AK9: variants seen among roughly 807,000 people sequenced by gnomAD.
AK9 encodes the protein adenylate kinase domain containing 1.
Under a neutral mutation model 239.6 loss-of-function variants are expected in AK9, and 191 were observed. The observed-to-expected ratio is 0.80, with a 90% CI of 0.71 to 0.90. AK9 has a LOEUF of 0.90. AK9 is among the 40% of genes least tolerant of loss of function. The probability of loss-of-function intolerance (pLI) is 0.00; values close to 1 mark genes in which losing one functional copy is unlikely to be tolerated. For missense variants in AK9, 1,995 were observed against 2,214.7 expected (o/e 0.90, Z 1.99); for synonymous variants, 689 against 721.0 (o/e 0.96, Z 0.71).
chr6:109,518,535 T>C (rs993493333), intron 29 of AK9, among the ~76,000 whole-genome samples: 16 of 151,896 alleles, frequency 1.1e-4, no homozygotes, highest in Admixed American at 2.0e-4. Flanking sequence ...ATTTTTATTA[T>C]AAAGAAATTA....
At chr6:109,541,973 A>G (rs1782955043) in intron 27 of AK9, 74 bp downstream of exon 27, 2 of 1,290,762 alleles carry the variant, frequency 1.5e-6, no homozygotes, top group African/African-American at 3.0e-5. Flanking sequence ...ATGTATGTTA[A>G]ACTACATTTT....
intron 5 of AK9, among the ~76,000 whole-genome samples, chr6:109,663,365 T>C (rs1800703353): frequency 6.6e-6 from 1 of 152,214 alleles, no homozygotes; most frequent in South Asian, 2.1e-4. Context: ...CTTACTTCTG[T>C]ACATCTTTTC....
intron 12 of AK9, among the ~76,000 whole-genome samples, chr6:109,626,795 C>A (rs1795573060): frequency 6.6e-6 from 1 of 152,160 alleles, no homozygotes; most frequent in South Asian, 2.1e-4. Flanking sequence ...GTATAGGGAA[C>A]TTACCATGAA....
At chr6:109,579,461 T>C in intron 20 of AK9, 89 bp downstream of exon 20, 1 of 1,269,818 alleles carries the variant, frequency 7.9e-7, no homozygotes, top group Non-Finnish European at 1.1e-6. Context: ...GGAAATGTGA[T>C]CACCCAGTCT....
intron 28 of AK9, among the ~76,000 whole-genome samples, chr6:109,532,689 T>C (rs1416868365): frequency 1.3e-5 from 2 of 152,226 alleles, no homozygotes; most frequent in Non-Finnish European, 2.9e-5. Context: ...TTCTGGTTAT[T>C]ATGAATAATG....
At position 109,514,269 on chromosome 6, in the gene AK9, T is replaced by A; in HGVS notation, c.4234A>T (p.Ile1412Phe). The change falls in exon 32 of 41, where the codon ATT becomes TTT. Residue 1412 changes from isoleucine to phenylalanine, a missense_variant. Physicochemically the swap from Ile to Phe is conservative, Grantham distance 21. This residue lies in a region of AK9 where 1,290 missense variants were observed against 1,392.7 expected (regional missense o/e 0.93). Transcript: ENST00000424296. ...GGAGGCCCCACAATTATAATCCTAA[T>A]GGGCACAGTAGGCTTAGGTTTGGGT... is the stretch of plus-strand genomic sequence containing the variant. ...RQPKPKPTVP[I>F]RIIIVGPPKS... is the part of the protein sequence containing the mutation. 1.3e-6 allele frequency: 2 copies of A among 1,551,852 alleles called. No individual in the cohort carries two copies. Among genetic ancestry groups the A allele is most frequent in the East Asian group, 4.9e-5 (2 of 40,928 alleles).
At chr6:109,629,206 A>T (rs569405578) in intron 12 of AK9, among the ~76,000 whole-genome samples, 2 of 152,108 alleles carry the variant, frequency 1.3e-5, no homozygotes, top group African/African-American at 4.8e-5. Flanking sequence ...AGTCTCCCAA[A>T]GTGCTGGGGT....
chr6:109,620,533 A>G (rs1038371232), intron 12 of AK9, among the ~76,000 whole-genome samples: 2 of 152,096 alleles, frequency 1.3e-5, no homozygotes, highest in African/African-American at 4.8e-5. Flanking sequence ...TAATAGATTT[A>G]ATACAGAATA....
Position 109,688,323 on chromosome 6 carries a change from G to C in AK9, c.-12+2824C>G, listed in dbSNP as rs73531417. Among the ~76,000 whole-genome samples, 927 of 152,170 alleles carry C rather than the reference G, an allele frequency of 6.1e-3. 13 individuals are homozygous for C. Among genetic ancestry groups the C allele is most frequent in the African/African-American group, 0.021 (881 of 41,508 alleles). On this transcript the variant is annotated intron_variant, in intron 1 of 40. Transcript: ENST00000424296. ...CACAGGACCCCTTCACCTTTAAAGG[G>C]GCAAGTGACAAATGCTCCTAATATG...
intron 12 of AK9, among the ~76,000 whole-genome samples, chr6:109,625,031 T>C (rs1795349352): frequency 1.3e-5 from 2 of 152,186 alleles, no homozygotes; most frequent in African/African-American, 4.8e-5. Context: ...CTCTTTTTGT[T>C]TTCCAAATGT....
At chr6:109,521,133 A>C (rs1031188414) in intron 29 of AK9, among the ~76,000 whole-genome samples, 1 of 152,100 alleles carries the variant, frequency 6.6e-6, no homozygotes, top group Non-Finnish European at 1.5e-5. Context: ...TTTAACAGCC[A>C]CATAGTATTT....
intron 8 of AK9, among the ~76,000 whole-genome samples, chr6:109,645,234 C>T (rs776337391): frequency 1.2e-4 from 18 of 151,982 alleles, no homozygotes; most frequent in South Asian, 4.2e-4. Flanking sequence ...CCATGGAGGG[C>T]GAGCCGAAGC....
At chr6:109,523,031 G>A (rs948739768) in intron 29 of AK9, among the ~76,000 whole-genome samples, 1 of 151,974 alleles carries the variant, frequency 6.6e-6, no homozygotes, top group African/African-American at 2.4e-5. Flanking sequence ...TAAGTGAAGG[G>A]CTGGTAGAGG....
intron 21 of AK9, among the ~76,000 whole-genome samples, chr6:109,567,700 A>G (rs1042835704): frequency 3.1e-5 from 4 of 127,456 alleles, no homozygotes; most frequent in Non-Finnish European, 6.3e-5. Flanking sequence ...ACTTGGACAC[A>G]GGAAGGGGAA....
chr6:109,620,566 CTA>C (rs756429175), intron 12 of AK9, among the ~76,000 whole-genome samples: 5 of 151,920 alleles, frequency 3.3e-5, no homozygotes, highest in Non-Finnish European at 5.9e-5. Flanking sequence ...AAATAGGATT[CTA>C]TGTGTCTTTA....
At chr6:109,666,470 C>A (rs997605188) in intron 5 of AK9, among the ~76,000 whole-genome samples, 3 of 152,162 alleles carry the variant, frequency 2.0e-5, no homozygotes, top group Non-Finnish European at 2.9e-5. Context: ...GAGTGGCGCA[C>A]CCCAAGCCAG....
Position 109,506,485 on chromosome 6 carries a change from T to C in AK9, c.4691A>G (p.Lys1564Arg). The change falls in exon 35 of 41, where the codon AAA (lysine) becomes AGA (arginine). Residue 1564 changes from lysine to arginine, a missense_variant. Physicochemically the swap from Lys to Arg is conservative, Grantham distance 26. Transcript: ENST00000424296. ...ATATTGCCTAATCTCACCAATATTT[T>C]TGCGATACTTTACATTATTGACAGC... is the stretch of plus-strand genomic sequence containing the variant. ...IVAVNNVKYR[K>R]NIGEIRQYYQ... 6.2e-7 allele frequency: 1 copy of C among 1,613,058 alleles called. No homozygotes were observed. The highest frequency in any genetic ancestry group is 8.5e-7 in the Non-Finnish European group (1 of 1,179,416).
chr6:109,676,267 T>G (rs1771740881), intron 1 of AK9, among the ~76,000 whole-genome samples: 1 of 152,096 alleles, frequency 6.6e-6, no homozygotes, highest in Non-Finnish European at 1.5e-5. Context: ...TGTAAGAACA[T>G]ATATTTATTT....
chr6:109,551,763 T>A (rs1182682204), intron 24 of AK9, among the ~76,000 whole-genome samples: 1 of 103,146 alleles, frequency 9.7e-6, no homozygotes, highest in African/African-American at 3.1e-5. Flanking sequence ...CAGTTTTTTA[T>A]TTCTTCCAAA....
Sources: allele counts gnomAD v4.1 joint callset (sites outside exome capture counted in the v4.1 genomes callset), GRCh38; gene constraint gnomAD v4.1.1; regional missense constraint gnomAD v4.1.1; transcripts MANE v1.5; gene names NCBI Gene and HGNC (gene_info 2026-07-23, HGNC 2026-07-21).